LRRIQ3: variants seen among roughly 807,000 people sequenced by gnomAD.
LRRIQ3 encodes leucine-rich repeat and IQ domain-containing protein 3.
LRRIQ3 carries 75 observed loss-of-function variants against 59.3 expected under a neutral mutation model. That is an observed-to-expected ratio of 1.26 (90% CI 1.05 to 1.53). LRRIQ3 has a LOEUF of 1.53. LRRIQ3 is among the 40% of genes most tolerant of loss of function. The pLI, the probability that LRRIQ3 is intolerant of heterozygous loss-of-function variation, is 0.00. For synonymous variants in LRRIQ3, 250 were observed against 231.3 expected, an observed-to-expected ratio of 1.08 and a Z score of -0.73; for missense variants, 831 against 710.0, an observed-to-expected ratio of 1.17 and a Z score of -1.94.
intron 5 of LRRIQ3, among the ~76,000 whole-genome samples, chr1:74,098,048 C>T (rs1646472666): frequency 1.3e-5 from 2 of 152,142 alleles, no homozygotes; most frequent in Admixed American, 6.5e-5. Flanking sequence ...CAAATTCACA[C>T]ATAACAATAT....
intron 7 of LRRIQ3, among the ~76,000 whole-genome samples, chr1:74,030,783 C>A (rs895464126): frequency 1.3e-5 from 2 of 152,148 alleles, no homozygotes; most frequent in East Asian, 1.9e-4. Context: ...AACTAAAGAG[C>A]TTCTGCACAG....
chr1:74,130,276 C>T (rs1295571931), intron 4 of LRRIQ3, among the ~76,000 whole-genome samples: 1 of 152,094 alleles, frequency 6.6e-6, no homozygotes, highest in Non-Finnish European at 1.5e-5. Context: ...AGAACTTAGG[C>T]TCTGACCACT....
intron 4 of LRRIQ3, among the ~76,000 whole-genome samples, chr1:74,110,311 T>C (rs573341577): frequency 1.3e-5 from 2 of 152,046 alleles, no homozygotes; most frequent in East Asian, 3.9e-4. Flanking sequence ...CAATCTCACC[T>C]TTGAAACAGG....
intron 4 of LRRIQ3, among the ~76,000 whole-genome samples, chr1:74,123,186 T>G (rs532854678): frequency 6.0e-4 from 92 of 152,152 alleles, no homozygotes; most frequent in African/African-American, 2.2e-3. Context: ...ATAGGAGGTG[T>G]ATATAGTTAT....
At chr1:74,103,349 T>C (rs1339684251) in intron 5 of LRRIQ3, among the ~76,000 whole-genome samples, 1 of 151,978 alleles carries the variant, frequency 6.6e-6, no homozygotes, top group Non-Finnish European at 1.5e-5. Flanking sequence ...AAATATTCAG[T>C]AAATATCTAT....
intron 6 of LRRIQ3, 119 bp from the exon 7 acceptor site, chr1:74,042,052 T>C (rs530114785): frequency 2.9e-6 from 3 of 1,027,006 alleles, no homozygotes; most frequent in African/African-American, 3.3e-5. Flanking sequence ...AAGAAGAATT[T>C]TTCCCAAGTA....
intron 5 of LRRIQ3, chr1:74,084,318 C>T (rs1323578727): frequency 8.1e-7 from 1 of 1,227,996 alleles, no homozygotes; most frequent in African/African-American, 1.5e-5. Context: ...TACATTTTGC[C>T]TGGAGGACAG....
At chr1:74,086,653 A>G (rs17094856) in intron 5 of LRRIQ3, among the ~76,000 whole-genome samples, 5,053 of 152,228 alleles carry the variant, frequency 0.033, 304 homozygotes, top group African/African-American at 0.12. Context: ...AAAAGCTCTA[A>G]AAGTTATCAA....
In LRRIQ3 at chr1:74,076,294, T is replaced by C. The variant is rs561170361; in HGVS notation, c.868-1504A>G. Among the ~76,000 whole-genome samples, 10 of 152,300 alleles carry C rather than the reference T, an allele frequency of 6.6e-5. 1 individual carries two copies. In the South Asian group the frequency reaches 2.1e-3, roughly 32 times the overall value. ...AGATCTTTGGTTTTGTGTATTTGTT[T>C]CTGGAACATTTACATAGCGCTTATC... On this transcript the variant is annotated intron_variant, in intron 5 of 7. Coordinates refer to ENST00000354431, the MANE Select transcript of LRRIQ3 (RefSeq NM_001105659.2).
intron 4 of LRRIQ3, among the ~76,000 whole-genome samples, chr1:74,129,031 C>A (rs1184995429): frequency 6.6e-6 from 1 of 152,010 alleles, no homozygotes; most frequent in Non-Finnish European, 1.5e-5. Flanking sequence ...TGGCCACCAC[C>A]ACTGGAACTG....
intron 5 of LRRIQ3, among the ~76,000 whole-genome samples, chr1:74,086,909 A>G (rs1249335128): frequency 6.6e-6 from 1 of 152,098 alleles, no homozygotes; most frequent in African/African-American, 2.4e-5. Flanking sequence ...GAAGTTTTCT[A>G]CACTATCTTG....
chr1:74,161,243 A>G (rs772222699), intron 3 of LRRIQ3, among the ~76,000 whole-genome samples: 3 of 151,666 alleles, frequency 2.0e-5, no homozygotes, highest in Non-Finnish European at 4.4e-5. Context: ...TGACCTAATC[A>G]CCTCCAAAAG....
chr1:74,111,609 G>A (rs1181033067), intron 4 of LRRIQ3, among the ~76,000 whole-genome samples: 2 of 152,056 alleles, frequency 1.3e-5, no homozygotes, highest in Non-Finnish European at 2.9e-5. Context: ...ATATCTAGTG[G>A]AAATTATTTT....
intron 5 of LRRIQ3, among the ~76,000 whole-genome samples, chr1:74,090,415 G>A (rs1436878332): frequency 6.6e-6 from 1 of 151,590 alleles, no homozygotes; most frequent in Non-Finnish European, 1.5e-5. Flanking sequence ...TCAACACAAA[G>A]TACATCAGAT....
At chr1:74,124,846 A>G (rs1348923480) in intron 4 of LRRIQ3, among the ~76,000 whole-genome samples, 1 of 151,704 alleles carries the variant, frequency 6.6e-6, no homozygotes, top group Admixed American at 6.6e-5. Flanking sequence ...ATTCTGGGTC[A>G]TTTGTGGTTC....
At chr1:74,046,559 C>T (rs1654209553) in intron 6 of LRRIQ3, among the ~76,000 whole-genome samples, 1 of 152,168 alleles carries the variant, frequency 6.6e-6, no homozygotes, top group Admixed American at 6.6e-5. Flanking sequence ...ATGACTAAAA[C>T]ACCAAAAGCA....
At chr1:74,109,991 C>T (rs370135934) in intron 4 of LRRIQ3, among the ~76,000 whole-genome samples, 1 of 151,704 alleles carries the variant, frequency 6.6e-6, no homozygotes, top group Admixed American at 6.6e-5. Flanking sequence ...AGGAAATATA[C>T]TCTAGAGCAG....
intron 5 of LRRIQ3, among the ~76,000 whole-genome samples, chr1:74,078,238 C>G (rs564697198): frequency 1.2e-4 from 18 of 151,732 alleles, no homozygotes; most frequent in African/African-American, 4.3e-4. Context: ...TAAAATGATG[C>G]CAAGCTGAAG....
chr1:74,131,052 T>TA (rs1422778750), intron 4 of LRRIQ3, among the ~76,000 whole-genome samples: 1 of 151,338 alleles, frequency 6.6e-6, no homozygotes, highest in Non-Finnish European at 1.5e-5. Context: ...ATGGAGATAT[T>TA]ACCACCACAG....
Sources: gnomAD v4.1 joint callset for allele counts (sites outside exome capture counted in the v4.1 genomes callset) on GRCh38, gnomAD v4.1.1 for gene constraint, MANE v1.5 for transcripts, NCBI Gene and HGNC (gene_info 2026-07-23, HGNC 2026-07-21) for gene names.